The following ANTXR1 variants were observed in gnomAD, a reference collection of about 807,000 sequenced individuals.
ANTXR1 encodes ANTXR cell adhesion molecule 1, also known as anthrax toxin receptor 1.
A neutral mutation model predicts 78.1 loss-of-function variants in ANTXR1; 19 were observed. That is an observed-to-expected ratio of 0.24 (90% CI 0.17 to 0.36). The LOEUF (loss-of-function observed/expected upper bound fraction) is 0.36, where lower values mean the gene tolerates loss of function less well. ANTXR1 is among the 10% of genes least tolerant of loss of function. The pLI, the probability that ANTXR1 is intolerant of heterozygous loss-of-function variation, is 1.00. For synonymous variants in ANTXR1, 273 were observed against 260.5 expected (o/e 1.05, Z -0.46); for missense variants, 518 against 718.6 (o/e 0.72, Z 3.19).
At chr2:69,021,226 G>A (rs1444390388) in intron 1 of ANTXR1, among the ~76,000 whole-genome samples, 1 of 152,150 alleles carries the variant, frequency 6.6e-6, no homozygotes, top group East Asian at 1.9e-4. Context: ...AGGAGACCGA[G>A]GTTTAGAGAG....
chr2:69,142,930 C>A (rs1372373090), intron 12 of ANTXR1, among the ~76,000 whole-genome samples: 1 of 152,060 alleles, frequency 6.6e-6, no homozygotes, highest in Non-Finnish European at 1.5e-5. Flanking sequence ...ATTTCATGGA[C>A]CCCCTGAAAT....
At position 69,020,501 on chromosome 2, in the gene ANTXR1, A is replaced by C. The variant is rs533944839; in HGVS notation, c.152+6850A>C. Among the ~76,000 whole-genome samples the C allele has an allele frequency of 3.7e-4, 56 of 152,298 alleles. 1 individual carries two copies. The highest frequency in any genetic ancestry group is 1.2e-3 in the African/African-American group (49 of 41,548). ...GGAGACCTGGTTAAACTCAGTGTCAAGGAGTGTTGGAGGAAGGCACCTGTC... is the reference window on the plus strand; with the variant it reads ...GGAGACCTGGTTAAACTCAGTGTCACGGAGTGTTGGAGGAAGGCACCTGTC... On this transcript the variant is annotated intron_variant, in intron 1 of 17. Transcript: ENST00000303714.
At chr2:69,070,993 A>T (rs992178758) in intron 4 of ANTXR1, among the ~76,000 whole-genome samples, 1 of 152,118 alleles carries the variant, frequency 6.6e-6, no homozygotes, top group African/African-American at 2.4e-5. Context: ...GCCACACACA[A>T]GTCCCGCCAC....
At chr2:69,180,141 T>A (rs936750753) in intron 14 of ANTXR1, among the ~76,000 whole-genome samples, 2 of 152,248 alleles carry the variant, frequency 1.3e-5, no homozygotes, top group Non-Finnish European at 2.9e-5. Context: ...GCCAACATGT[T>A]TCTGCTTTGC....
At chr2:69,096,303 AGGG>A (rs1558541259) in intron 9 of ANTXR1, among the ~76,000 whole-genome samples, 4 of 3,344 alleles carry the variant, frequency 1.2e-3, no homozygotes, top group Non-Finnish European at 2.3e-3. Context: ...GAAGGGAGGA[AGGG>A]AGGAAGGGAG....
At chr2:69,145,432 G>A in intron 12 of ANTXR1, 1 of 1,561,004 alleles carries the variant, frequency 6.4e-7, no homozygotes. Flanking sequence ...GGGGAGAGAG[G>A]AGCCAAACAT....
chr2:69,204,622 G>A (rs1674852837), intron 17 of ANTXR1, among the ~76,000 whole-genome samples: 1 of 152,124 alleles, frequency 6.6e-6, no homozygotes, highest in South Asian at 2.1e-4. Flanking sequence ...GGCAAGACTG[G>A]AAACCCACCA....
intron 12 of ANTXR1, among the ~76,000 whole-genome samples, chr2:69,139,104 A>G (rs1672999386): frequency 6.6e-6 from 1 of 152,218 alleles, no homozygotes; most frequent in Non-Finnish European, 1.5e-5. Context: ...GTTGAATGGC[A>G]ATTTTGTATT....
intron 6 of ANTXR1, among the ~76,000 whole-genome samples, 196 bp downstream of exon 6, chr2:69,073,297 G>A (rs1046062850): frequency 4.6e-5 from 7 of 152,156 alleles, no homozygotes; most frequent in Admixed American, 6.5e-5. Flanking sequence ...CATGGTAAAT[G>A]TTTTCCCCTT....
chr2:69,238,701 A>C (rs1675828592), intron 17 of ANTXR1, among the ~76,000 whole-genome samples: 1 of 152,216 alleles, frequency 6.6e-6, no homozygotes, highest in African/African-American at 2.4e-5. Context: ...CCCTCCAAAC[A>C]AGGTAATCAA....
chr2:69,221,344 G>A (rs1381711293), intron 17 of ANTXR1, among the ~76,000 whole-genome samples: 1 of 152,168 alleles, frequency 6.6e-6, no homozygotes, highest in African/African-American at 2.4e-5. Context: ...GGGCTTATTA[G>A]CTCATATACT....
chr2:69,199,894 A>T (rs1344834962), intron 17 of ANTXR1, among the ~76,000 whole-genome samples: 1 of 152,198 alleles, frequency 6.6e-6, no homozygotes. Flanking sequence ...TAGGCTGATC[A>T]CACTCTTCAT....
intron 3 of ANTXR1, among the ~76,000 whole-genome samples, chr2:69,065,397 C>T (rs957824788): frequency 7.7e-6 from 1 of 130,608 alleles, no homozygotes; most frequent in Non-Finnish European, 1.5e-5. Flanking sequence ...TGCACTCCAG[C>T]CTGGGTGACA....
At chr2:69,219,088 GACCCAAGGTCATA>G (rs1675249307) in intron 17 of ANTXR1, among the ~76,000 whole-genome samples, 1 of 152,100 alleles carries the variant, frequency 6.6e-6, no homozygotes, top group Non-Finnish European at 1.5e-5. Context: ...GCCACGATAA[GACCCAAGGTCATA>G]ACCTCCTCAT....
chr2:69,127,828 A>C lies in ANTXR1; in HGVS notation c.951+3185A>C, dbSNP rs749156015. Among the ~76,000 whole-genome samples, 3 of 152,194 alleles carry C rather than the reference A, an allele frequency of 2.0e-5. No individual in the cohort carries two copies. The East Asian group carries it at 5.8e-4, about 29-fold the overall frequency. On this transcript the variant is annotated intron_variant, in intron 12 of 17. Transcript: ENST00000303714. The stretch of plus-strand genomic sequence containing the variant: ...AAACTGAAAGGATGGAGTTGCCATC[A>C]GCTGCCAGACAGGAAGAAGACAGAG...
intron 3 of ANTXR1, among the ~76,000 whole-genome samples, chr2:69,055,150 GC>G (rs1454950981): frequency 6.6e-6 from 1 of 152,116 alleles, no homozygotes; most frequent in Non-Finnish European, 1.5e-5. Context: ...CTAAGGAATG[GC>G]CCCAAATCCT....
intron 3 of ANTXR1, among the ~76,000 whole-genome samples, chr2:69,064,459 A>T (rs1428897306): frequency 6.6e-6 from 1 of 152,144 alleles, no homozygotes; most frequent in African/African-American, 2.4e-5. Context: ...TGTCATATTT[A>T]CAGATGTCCT....
intron 16 of ANTXR1, among the ~76,000 whole-genome samples, chr2:69,186,270 GAAGAAATTCAA>G (rs972680268): frequency 6.6e-6 from 1 of 152,348 alleles, no homozygotes; most frequent in African/African-American, 2.4e-5. Context: ...AGAAGCACAG[GAAGAAATTCAA>G]AAGTAATCAT....
chr2:69,045,147 T>C (rs1399336180), intron 3 of ANTXR1, among the ~76,000 whole-genome samples: 1 of 152,298 alleles, frequency 6.6e-6, no homozygotes, highest in South Asian at 2.1e-4. Flanking sequence ...TTCTTTTACT[T>C]AAGTTAGACT....
Sources: gnomAD v4.1 joint callset for allele counts (sites outside exome capture counted in the v4.1 genomes callset) on GRCh38, gnomAD v4.1.1 for gene constraint, MANE v1.5 for transcripts, NCBI Gene and HGNC (gene_info 2026-07-23, HGNC 2026-07-21) for gene names.